PRELID2: variants seen among roughly 807,000 people sequenced by gnomAD.
The protein encoded by PRELID2 is PRELI domain containing 2, also known as PRELI domain-containing protein 2.
A neutral mutation model predicts 28.4 loss-of-function variants in PRELID2; 25 were observed. That is an observed-to-expected ratio of 0.88 (90% CI 0.64 to 1.23). PRELID2 has a LOEUF of 1.23. Among genes scored for constraint, PRELID2 ranks in the 50% most tolerant of loss-of-function variants. The pLI is 0.00. For synonymous variants in PRELID2, 76 were observed against 71.6 expected, an observed-to-expected ratio of 1.06 and a Z score of -0.31; for missense variants, 201 against 214.4, an observed-to-expected ratio of 0.94 and a Z score of 0.39.
At chr5:145,752,889 C>T (rs1295779530), downstream of PRELID2, among the ~76,000 whole-genome samples, 1 of 152,092 alleles carries the variant, frequency 6.6e-6, no homozygotes, top group African/African-American at 2.4e-5. Flanking sequence ...CATTCTTAAA[C>T]AAACACAAAT....
intron 1 of PRELID2, among the ~76,000 whole-genome samples, chr5:145,718,738 T>C (rs2149715529): frequency 6.6e-6 from 1 of 151,928 alleles, no homozygotes; most frequent in South Asian, 2.1e-4. Context: ...ACTTGACATA[T>C]GACAAAATGC....
chr5:145,329,138 T>A, the PRELID2 span, among the ~76,000 whole-genome samples: 2,114 of 152,304 alleles, frequency 0.014, 41 homozygotes, highest in African/African-American at 0.048. Context: ...GGTCTATATA[T>A]CTGTTTTGTT....
chr5:145,764,643 T>C (rs896671839), intron 6 of PRELID2, among the ~76,000 whole-genome samples: 1 of 152,252 alleles, frequency 6.6e-6, no homozygotes, highest in African/African-American at 2.4e-5. Flanking sequence ...CTGCAGTCTT[T>C]ACAAATCTAT....
chr5:145,368,462 G>A, the PRELID2 span, among the ~76,000 whole-genome samples: 26 of 151,784 alleles, frequency 1.7e-4, no homozygotes, highest in Non-Finnish European at 5.9e-5. Context: ...CATACCCCAC[G>A]TCACTGAAAA....
the PRELID2 span, among the ~76,000 whole-genome samples, chr5:145,347,694 C>T: frequency 6.6e-6 from 1 of 152,046 alleles, no homozygotes; most frequent in East Asian, 1.9e-4. Flanking sequence ...GCTTTTACCC[C>T]CTTTGAGTAA....
chr5:145,469,757 G>A (rs970678243), downstream of PRELID2, among the ~76,000 whole-genome samples: 1 of 151,986 alleles, frequency 6.6e-6, no homozygotes, highest in African/African-American at 2.4e-5. Context: ...GCAACCTCTG[G>A]CTCGATCAAA....
intron 1 of PRELID2, among the ~76,000 whole-genome samples, chr5:145,510,888 G>A (rs1752455022): frequency 1.3e-5 from 2 of 152,186 alleles, no homozygotes; most frequent in Admixed American, 6.5e-5. Context: ...GTTCCCTCAT[G>A]CTCAGCCTTT....
intron 1 of PRELID2, among the ~76,000 whole-genome samples, chr5:145,617,625 TTTC>T (rs1753717019): frequency 6.6e-6 from 1 of 152,204 alleles, no homozygotes; most frequent in Non-Finnish European, 1.5e-5. Context: ...GCTGAATTTC[TTTC>T]TTCTACTTAT....
At chr5:145,816,074 GTCTT>G (rs1396527765) in intron 4 of PRELID2, among the ~76,000 whole-genome samples, 6 of 120,382 alleles carry the variant, frequency 5.0e-5, no homozygotes, top group African/African-American at 1.9e-4. Flanking sequence ...GTTATTGTGT[GTCTT>G]TTTTTTTTTT....
At chr5:145,583,521 T>A (rs895342830) in intron 1 of PRELID2, among the ~76,000 whole-genome samples, 11 of 152,282 alleles carry the variant, frequency 7.2e-5, no homozygotes, top group Non-Finnish European at 5.9e-5. Flanking sequence ...GCAGATGACA[T>A]GATTCTATAT....
chr5:145,506,405 T>A (rs765644606), intron 1 of PRELID2, among the ~76,000 whole-genome samples: 1 of 152,144 alleles, frequency 6.6e-6, no homozygotes, highest in Non-Finnish European at 1.5e-5. Flanking sequence ...CAGTTCTAGA[T>A]TTGCAAGGAC....
the PRELID2 span, among the ~76,000 whole-genome samples, chr5:145,319,714 A>AATAAATAC: frequency 2.0e-5 from 3 of 150,250 alleles, no homozygotes; most frequent in African/African-American, 7.3e-5. Flanking sequence ...TAAATAAATA[A>AATAAATAC]ATAAATAAAT....
At chr5:145,655,575 T>G (rs10063721) in intron 1 of PRELID2, among the ~76,000 whole-genome samples, 2 of 152,012 alleles carry the variant, frequency 1.3e-5, no homozygotes, top group East Asian at 1.9e-4. Flanking sequence ...GAACAGAATA[T>G]AGCCCTCAGA....
At chr5:145,693,512 T>C (rs1290778094) in intron 1 of PRELID2, among the ~76,000 whole-genome samples, 4 of 151,304 alleles carry the variant, frequency 2.6e-5, no homozygotes, top group South Asian at 4.2e-4. Flanking sequence ...CTCATACCTA[T>C]AATCCCAACA....
intron 1 of PRELID2, among the ~76,000 whole-genome samples, chr5:145,507,340 G>A (rs1378764769): frequency 1.3e-5 from 2 of 151,820 alleles, no homozygotes; most frequent in Non-Finnish European, 2.9e-5. Flanking sequence ...TCTATAAAAT[G>A]GGGGGGAAAA....
the PRELID2 span, among the ~76,000 whole-genome samples, chr5:145,283,024 A>C: frequency 2.6e-5 from 4 of 152,150 alleles, no homozygotes; most frequent in Non-Finnish European, 5.9e-5. Flanking sequence ...GAGAGTTTCA[A>C]AAAGCTCTGG....
chr5:145,534,190 A>T (rs1156265205), intron 1 of PRELID2, among the ~76,000 whole-genome samples: 1 of 152,054 alleles, frequency 6.6e-6, no homozygotes, highest in African/African-American at 2.4e-5. Flanking sequence ...CTCAGGTGAT[A>T]AGACTTCACT....
chr5:145,545,371 T>C (rs1337816737), intron 1 of PRELID2, among the ~76,000 whole-genome samples: 2 of 152,008 alleles, frequency 1.3e-5, no homozygotes, highest in African/African-American at 4.8e-5. Flanking sequence ...CATGGGAGTT[T>C]CAGTTTTACT....
chr5:145,367,762 C>T, the PRELID2 span, among the ~76,000 whole-genome samples: 5 of 151,916 alleles, frequency 3.3e-5, no homozygotes, highest in East Asian at 3.9e-4. Flanking sequence ...TTATGTCTTC[C>T]CCATATCTTT....
Sources: allele counts gnomAD v4.1 joint callset (sites outside exome capture counted in the v4.1 genomes callset), GRCh38; gene constraint gnomAD v4.1.1; transcripts MANE v1.5; gene names NCBI Gene and HGNC (gene_info 2026-07-23, HGNC 2026-07-21).